SRFBP1: variants seen among roughly 807,000 people sequenced by gnomAD.
The protein encoded by SRFBP1 is serum response factor-binding protein 1.
In SRFBP1, 47 loss-of-function variants were observed where a neutral mutation model predicts 45.5. The observed-to-expected ratio is 1.03, with a 90% confidence interval of 0.82 to 1.32. The LOEUF (loss-of-function observed/expected upper bound fraction) is 1.32. Among genes scored for constraint, SRFBP1 ranks in the 40% most tolerant of loss-of-function variants. The probability of loss-of-function intolerance (pLI) is 0.00; values close to 1 mark genes in which losing one functional copy is unlikely to be tolerated. For missense variants in SRFBP1, 621 were observed against 484.6 expected (o/e 1.28, Z -2.64); for synonymous variants, 203 against 166.3 (o/e 1.22, Z -1.70).
intron 2 of SRFBP1, chr5:122,064,284 G>C (rs74536753): frequency 6.6e-6 from 1 of 151,998 alleles, no homozygotes; most frequent in African/African-American, 2.4e-5. Context: ...AGTTTCGGCA[G>C]TTATTCAGAG....
At chr5:121,963,697 T>C (rs1328455071) in intron 1 of SRFBP1, among the ~76,000 whole-genome samples, 2 of 152,184 alleles carry the variant, frequency 1.3e-5, no homozygotes, top group East Asian at 1.9e-4. Context: ...TTTATGTGTC[T>C]ATCATGTGTA....
At chr5:122,033,969 AC>A (rs914796293) in intron 2 of SRFBP1, among the ~76,000 whole-genome samples, 1 of 150,418 alleles carries the variant, frequency 6.6e-6, no homozygotes, top group Non-Finnish European at 1.5e-5. Flanking sequence ...GATTACAGGC[AC>A]ACGCCACCAC....
At chr5:122,001,662 CG>C (rs1258103957) in intron 4 of SRFBP1, among the ~76,000 whole-genome samples, 1 of 149,946 alleles carries the variant, frequency 6.7e-6, no homozygotes, top group Non-Finnish European at 1.5e-5. Context: ...CCCGGGTTCA[CG>C]CCATTCTCCT....
At chr5:121,972,972 G>A (rs923979387) in intron 1 of SRFBP1, among the ~76,000 whole-genome samples, 2 of 151,902 alleles carry the variant, frequency 1.3e-5, no homozygotes, top group Non-Finnish European at 2.9e-5. Flanking sequence ...TAAAGAAATT[G>A]TAAGTTGGTT....
At chr5:121,977,500 CAAAT>C (rs991532621) in intron 3 of SRFBP1, among the ~76,000 whole-genome samples, 29 of 151,892 alleles carry the variant, frequency 1.9e-4, no homozygotes, top group African/African-American at 3.1e-4. Flanking sequence ...CTAAACAAAG[CAAAT>C]AAATAAAGCA....
intron 2 of SRFBP1, among the ~76,000 whole-genome samples, chr5:122,055,118 C>G (rs1304890936): frequency 6.6e-6 from 1 of 152,146 alleles, no homozygotes; most frequent in Non-Finnish European, 1.5e-5. Context: ...TTTCACGGTT[C>G]TGGAGGCTGG....
chr5:122,053,600 C>T (rs1215631025), intron 2 of SRFBP1, among the ~76,000 whole-genome samples: 6 of 152,008 alleles, frequency 3.9e-5, no homozygotes, highest in African/African-American at 1.4e-4. Flanking sequence ...TAGGAGGCTG[C>T]ACCCACCAGC....
downstream of SRFBP1, chr5:122,028,688 C>T (rs2112718513): frequency 6.6e-6 from 1 of 151,982 alleles, no homozygotes; most frequent in South Asian, 2.1e-4. Context: ...GTGTCAGATG[C>T]ATACATTGTT....
intron 4 of SRFBP1, among the ~76,000 whole-genome samples, chr5:122,015,071 A>G (rs921255638): frequency 3.9e-5 from 6 of 152,198 alleles, no homozygotes; most frequent in South Asian, 2.1e-4. Flanking sequence ...AACATGCTGA[A>G]AGAAGCAGTA....
chr5:122,073,451 T>G (rs1229355319), intron 2 of SRFBP1, among the ~76,000 whole-genome samples: 2 of 152,244 alleles, frequency 1.3e-5, no homozygotes, highest in East Asian at 3.8e-4. Flanking sequence ...TAAAGTGCTT[T>G]TAAAGAAACT....
intron 2 of SRFBP1, among the ~76,000 whole-genome samples, chr5:122,048,042 T>C (rs764866565): frequency 6.6e-6 from 1 of 152,158 alleles, no homozygotes; most frequent in Non-Finnish European, 1.5e-5. Context: ...TTTATTTCCT[T>C]CTCCTGCCTG....
rs561443394 is a variant in SRFBP1, at chr5:122,042,055, T to C, written n.311+19648T>C. The stretch of plus-strand genomic sequence containing the variant: ...TTAAACATTTATGAAAATGAAGATA[T>C]GATTTTTTGTTGTTCTTTAAACATT... On this transcript the variant is annotated intron_variant and non_coding_transcript_variant, in intron 2 of 2. Transcript: ENST00000504881. Among the ~76,000 whole-genome samples, 4 of 152,308 alleles carry C rather than the reference T, an allele frequency of 2.6e-5. No homozygotes were observed. The East Asian group carries it at 5.8e-4, about 22-fold the overall frequency.
At chr5:122,077,382 C>A (rs1473260982), downstream of SRFBP1, 3 of 1,613,964 alleles carry the variant, frequency 1.9e-6, no homozygotes, top group Non-Finnish European at 2.5e-6. The surrounding 1 kb of genome is among the most constrained non-coding windows in gnomAD (Gnocchi z 4.9). Context: ...GTGCCGTATC[C>A]GGGCCGGTAC....
chr5:122,049,850 A>G (rs576817060), intron 2 of SRFBP1, among the ~76,000 whole-genome samples: 2 of 152,350 alleles, frequency 1.3e-5, no homozygotes, highest in African/African-American at 2.4e-5. Flanking sequence ...ACAACATACC[A>G]GAATCTCTGG....
chr5:122,055,194 C>G (rs1754058470), intron 2 of SRFBP1, among the ~76,000 whole-genome samples: 4 of 152,154 alleles, frequency 2.6e-5, no homozygotes. Context: ...ACTCATGATG[C>G]CTTCTTGCTG....
chr5:121,966,705 A>C (rs1431958452), intron 1 of SRFBP1, among the ~76,000 whole-genome samples: 1 of 152,200 alleles, frequency 6.6e-6, no homozygotes, highest in African/African-American at 2.4e-5. Context: ...TAGCAATCTG[A>C]TGGAGTGCTT....
downstream of SRFBP1, chr5:122,077,270 C>T (rs1754665798): frequency 5.1e-6 from 8 of 1,576,544 alleles, no homozygotes; most frequent in Non-Finnish European, 6.9e-6. This position sits in a 1 kb window ranked among gnomAD's most constrained non-coding sequence, Gnocchi z 4.9. Context: ...GACCGGGGCC[C>T]GCCGCGCCCA....
chr5:121,966,710 G>C (rs1752076623), intron 1 of SRFBP1, among the ~76,000 whole-genome samples: 1 of 152,194 alleles, frequency 6.6e-6, no homozygotes, highest in African/African-American at 2.4e-5. Context: ...ATCTGATGGA[G>C]TGCTTTAATT....
chr5:121,991,541 G>T (rs1231546983), intron 3 of SRFBP1, among the ~76,000 whole-genome samples: 1 of 152,082 alleles, frequency 6.6e-6, no homozygotes, highest in East Asian at 1.9e-4. Flanking sequence ...AATATTTAAG[G>T]TGCTATCTGT....
Sources: allele counts gnomAD v4.1 joint callset (sites outside exome capture counted in the v4.1 genomes callset), GRCh38; gene constraint gnomAD v4.1.1; non-coding constraint Gnocchi (gnomAD v3.1); transcripts MANE v1.5; gene names NCBI Gene and HGNC (gene_info 2026-07-23, HGNC 2026-07-21).